NRXN1: variants seen among roughly 807,000 people sequenced by gnomAD.
NRXN1 encodes neurexin-1.
NRXN1 carries 39 observed loss-of-function variants against 150.9 expected under a neutral mutation model. The observed-to-expected ratio is 0.26, with a 90% CI of 0.20 to 0.34. The LOEUF (loss-of-function observed/expected upper bound fraction) is 0.34, where lower values mean the gene tolerates loss of function less well. Ranked by LOEUF, NRXN1 falls within the 10% of genes least tolerant of loss-of-function variation. The probability of loss-of-function intolerance (pLI) is 1.00; values close to 1 mark genes in which losing one functional copy is unlikely to be tolerated. For missense variants in NRXN1, 1,815 were observed against 1,949.9 expected, an observed-to-expected ratio of 0.93 and a Z score of 1.30; for synonymous variants, 924 against 757.0, an observed-to-expected ratio of 1.22 and a Z score of -3.62.
chr2:50,081,376 C>A (rs113234338), intron 19 of NRXN1, among the ~76,000 whole-genome samples: 51,921 of 151,934 alleles, frequency 0.34, 10,111 homozygotes, highest in African/African-American at 0.51. Context: ...CAAGAGATCG[C>A]GACCATCCTG....
At chr2:50,836,567 A>G (rs926023427) in intron 5 of NRXN1, among the ~76,000 whole-genome samples, 2 of 152,110 alleles carry the variant, frequency 1.3e-5, no homozygotes, top group African/African-American at 4.8e-5. Flanking sequence ...GAGATCATGC[A>G]GTATTTGTCC....
At chr2:50,695,825 A>C (rs964611579) in intron 5 of NRXN1, among the ~76,000 whole-genome samples, 21 of 150,392 alleles carry the variant, frequency 1.4e-4, no homozygotes, top group African/African-American at 5.1e-4. Flanking sequence ...AAATAAGCCT[A>C]ACCAGAGTGA....
chr2:49,996,862 A>T (rs1683087854), intron 21 of NRXN1, among the ~76,000 whole-genome samples: 1 of 152,236 alleles, frequency 6.6e-6, no homozygotes, highest in African/African-American at 2.4e-5. Flanking sequence ...TTACAGCAAC[A>T]GGACACAGAT....
chr2:50,935,369 A>G, intron 2 of NRXN1, among the ~76,000 whole-genome samples: 1 of 152,174 alleles, frequency 6.6e-6, no homozygotes, highest in South Asian at 2.1e-4. Context: ...AGATCCTATT[A>G]AGGAACTACT....
At chr2:50,735,020 T>C (rs1445571061) in intron 5 of NRXN1, among the ~76,000 whole-genome samples, 1 of 152,200 alleles carries the variant, frequency 6.6e-6, no homozygotes, top group East Asian at 1.9e-4. Flanking sequence ...GTGTTGAAGG[T>C]ACTCTATCCC....
chr2:50,215,359 G>C (rs2063323413), intron 18 of NRXN1, among the ~76,000 whole-genome samples: 1 of 151,994 alleles, frequency 6.6e-6, no homozygotes, highest in Non-Finnish European at 1.5e-5. Flanking sequence ...TTATGTGTCA[G>C]TGCGATTCTT....
At chr2:50,204,447 T>C (rs774482655) in intron 18 of NRXN1, among the ~76,000 whole-genome samples, 1 of 151,996 alleles carries the variant, frequency 6.6e-6, no homozygotes, top group Non-Finnish European at 1.5e-5. Flanking sequence ...ACTGTAGCTA[T>C]TGGCTCTGTC....
At chr2:50,932,683 C>T (rs570151158) in intron 2 of NRXN1, among the ~76,000 whole-genome samples, 2 of 152,150 alleles carry the variant, frequency 1.3e-5, no homozygotes, top group Non-Finnish European at 2.9e-5. Flanking sequence ...CACTAAAGAA[C>T]TTATCCATGC....
intron 2 of NRXN1, among the ~76,000 whole-genome samples, chr2:50,986,755 A>C (rs1250325036): frequency 6.6e-6 from 1 of 151,558 alleles, no homozygotes; most frequent in Non-Finnish European, 1.5e-5. Flanking sequence ...TTTTCCAAAA[A>C]ATCGAGATAG....
chr2:50,590,681 G>A (rs1424589694), intron 8 of NRXN1, among the ~76,000 whole-genome samples: 1 of 152,160 alleles, frequency 6.6e-6, no homozygotes, highest in Non-Finnish European at 1.5e-5. Context: ...AGAGAGCCCA[G>A]AGAGCTCCCT....
intron 5 of NRXN1, among the ~76,000 whole-genome samples, chr2:50,770,684 T>G (rs1702906724): frequency 6.6e-6 from 1 of 152,068 alleles, no homozygotes; most frequent in African/African-American, 2.4e-5. Flanking sequence ...TTTTAAATTT[T>G]TTATTACTAT....
intron 22 of NRXN1, among the ~76,000 whole-genome samples, chr2:49,929,727 T>C (rs1669795518): frequency 6.6e-6 from 1 of 152,184 alleles, no homozygotes; most frequent in Non-Finnish European, 1.5e-5. Context: ...TTATGATTTT[T>C]TTTCTCTAAG....
Position 50,334,192 on chromosome 2 carries a change from A to ATTTT in NRXN1, c.3365-97223_3365-97222insAAAA, listed in dbSNP as rs1553457970. Among the ~76,000 whole-genome samples, 670 of 117,630 alleles carry ATTTT rather than the reference A, an allele frequency of 5.7e-3. 24 individuals carry two copies. Among genetic ancestry groups the ATTTT allele is most frequent in the African/African-American group, 0.016 (358 of 22,620 alleles). The allele number at this position is 117,630 out of a possible 152,430, so 77.2% of individuals were successfully genotyped here. A position where few individuals can be genotyped will look rare whatever the true frequency, so the allele number is the denominator to read the frequency against. On this transcript the variant is annotated intron_variant, in intron 17 of 22. Transcript: ENST00000401669. ...CTGCCTTTCCTTAAGACCAGGACCA[A>ATTTT]ATATATATATATATATATATGTATG...
intron 4 of NRXN1, chr2:50,922,413 C>G: frequency 1.7e-6 from 1 of 591,194 alleles, no homozygotes; most frequent in South Asian, 2.0e-5. Context: ...TTTCTTATGT[C>G]TCATTTATTT....
chr2:50,590,944 C>A (rs1674079376), intron 8 of NRXN1, among the ~76,000 whole-genome samples: 1 of 152,174 alleles, frequency 6.6e-6, no homozygotes, highest in African/African-American at 2.4e-5. Flanking sequence ...TAATATAACT[C>A]CCTGCCCTGA....
rs551930092 is a variant in NRXN1 at position 50,623,783 on chromosome 2, A to T, written c.833-168T>A. Among the ~76,000 whole-genome samples, 100 of 152,198 alleles carry T rather than the reference A, an allele frequency of 6.6e-4. 1 individual carries two copies. The East Asian group carries it at 8.5e-3, about 13-fold the overall frequency. On this transcript the variant is annotated intron_variant, in intron 5 of 22. Transcript: ENST00000401669. The stretch of plus-strand genomic sequence containing the variant: ...AGTACTGTACAGGGCAGTATTTTTT[A>T]AAAAATTTTATTATTATTATACTTT...
At chr2:50,447,983 T>C (rs1227142388) in intron 17 of NRXN1, among the ~76,000 whole-genome samples, 3 of 151,728 alleles carry the variant, frequency 2.0e-5, no homozygotes, top group Non-Finnish European at 4.4e-5. Context: ...ACTGTGTTCA[T>C]TTATTGTGAC....
chr2:50,283,251 G>C (rs572869953), intron 17 of NRXN1, among the ~76,000 whole-genome samples: 122 of 152,246 alleles, frequency 8.0e-4, no homozygotes, highest in Middle Eastern at 3.4e-3. Context: ...CACCTATTCT[G>C]TTATTAGCCT....
At chr2:50,314,865 C>G (rs1049477489) in intron 17 of NRXN1, among the ~76,000 whole-genome samples, 2 of 151,844 alleles carry the variant, frequency 1.3e-5, no homozygotes, top group Non-Finnish European at 2.9e-5. Context: ...ATTTTTCAAC[C>G]CTTCTGAGCC....
Sources: gnomAD v4.1 joint callset for allele counts (sites outside exome capture counted in the v4.1 genomes callset) on GRCh38, gnomAD v4.1.1 for gene constraint, MANE v1.5 for transcripts, NCBI Gene and HGNC (gene_info 2026-07-23, HGNC 2026-07-21) for gene names.